Variants in DPYD observed in about 807,000 individuals in gnomAD.
DPYD encodes the protein dihydropyrimidine dehydrogenase [NADP(+)].
DPYD carries 109 observed loss-of-function variants against 116.2 expected under a neutral mutation model. The observed-to-expected ratio is 0.94, with a 90% CI of 0.80 to 1.10. The LOEUF (loss-of-function observed/expected upper bound fraction) is 1.10, where lower values mean the gene tolerates loss of function less well. Ranked by LOEUF, DPYD falls within the 50% of genes least tolerant of loss-of-function variation. DPYD has a pLI of 0.00. For missense variants in DPYD, 1,302 were observed against 1,254.5 expected, an observed-to-expected ratio of 1.04 and a Z score of -0.57; for synonymous variants, 440 against 432.0, an observed-to-expected ratio of 1.02 and a Z score of -0.23.
intron 10 of DPYD, among the ~76,000 whole-genome samples, chr1:97,582,486 C>T (rs1292616293): frequency 1.3e-5 from 2 of 152,168 alleles, no homozygotes; most frequent in African/African-American, 4.8e-5. Context: ...CACACTTGAT[C>T]TCATATTCTT....
intron 3 of DPYD, among the ~76,000 whole-genome samples, chr1:97,811,548 CT>C (rs752899030): frequency 4.6e-5 from 7 of 152,084 alleles, no homozygotes; most frequent in Non-Finnish European, 7.4e-5. Context: ...GTAATAACCC[CT>C]CTTTCTTAAA....
intron 4 of DPYD, among the ~76,000 whole-genome samples, chr1:97,730,904 T>C (rs976316060): frequency 5.9e-5 from 9 of 151,976 alleles, no homozygotes; most frequent in Non-Finnish European, 1.2e-4. Flanking sequence ...CATTGGGTAT[T>C]GAAAGAATTC....
intron 2 of DPYD, among the ~76,000 whole-genome samples, chr1:97,830,090 A>G (rs1669457898): frequency 6.6e-6 from 1 of 151,956 alleles, no homozygotes; most frequent in African/African-American, 2.4e-5. Flanking sequence ...ATCCTTTTTT[A>G]TGGCTGCAAA....
At chr1:97,254,272 CTTTTTATATATAT>C (rs1254694742) in intron 18 of DPYD, among the ~76,000 whole-genome samples, 1 of 151,912 alleles carries the variant, frequency 6.6e-6, no homozygotes, top group African/African-American at 2.4e-5. Context: ...TGTACATATA[CTTTTTATATATAT>C]ACTTATTTGT....
chr1:97,737,703 T>C (rs1664036935), intron 4 of DPYD, among the ~76,000 whole-genome samples: 1 of 152,160 alleles, frequency 6.6e-6, no homozygotes, highest in Non-Finnish European at 1.5e-5. Flanking sequence ...ACAGCTGTAA[T>C]ATGTGTGTGT....
At chr1:97,193,037 T>C in intron 20 of DPYD, 32 bp downstream of exon 20, 2 of 1,612,586 alleles carry the variant, frequency 1.2e-6, no homozygotes, top group Non-Finnish European at 1.7e-6. Flanking sequence ...GGCTGAGTTC[T>C]CAAGAATAAC....
rs984557299 is a variant in DPYD, at chr1:97,883,305, C to T, written c.109G>A (p.Asp37Asn). The change falls in exon 2 of 23, where the codon GAC (aspartate) becomes AAC (asparagine). Residue 37 changes from aspartate to asparagine, a missense_variant. By Grantham distance (23) the Asp-to-Asn change is conservative. Coordinates refer to ENST00000370192, the MANE Select transcript of DPYD (RefSeq NM_000110.4). ...TLCSTSAKKLDKKHWKRNPDK... is the reference protein window; with the variant it reads ...TLCSTSAKKLNKKHWKRNPDK... ...GGATTTCTTTTCCAATGTTTCTTGTCTAATTTCTTGGCCGAAGTGGAACAC... is the reference window on the plus strand; with the variant it reads ...GGATTTCTTTTCCAATGTTTCTTGTTTAATTTCTTGGCCGAAGTGGAACAC... The T allele has an allele frequency of 6.2e-7, 1 of 1,612,698 alleles. No individual in the cohort carries two copies. Among genetic ancestry groups the T allele is most frequent in the South Asian group, 1.1e-5 (1 of 91,032 alleles).
chr1:97,159,364 A>C (rs1287399841), intron 20 of DPYD, among the ~76,000 whole-genome samples: 1 of 152,110 alleles, frequency 6.6e-6, no homozygotes, highest in African/African-American at 2.4e-5. Context: ...AACATGGATA[A>C]ATAGAAATTG....
At chr1:97,670,842 T>C (rs1189789066) in intron 8 of DPYD, among the ~76,000 whole-genome samples, 1 of 152,124 alleles carries the variant, frequency 6.6e-6, no homozygotes, top group Non-Finnish European at 1.5e-5. Flanking sequence ...TGGAAACTAC[T>C]AAAAGAAAAT....
chr1:97,810,069 G>A (rs1048419446), intron 3 of DPYD, among the ~76,000 whole-genome samples: 3 of 151,956 alleles, frequency 2.0e-5, no homozygotes, highest in East Asian at 1.9e-4. Context: ...GGTGGATCAC[G>A]AGGTCAGGAG....
intron 8 of DPYD, among the ~76,000 whole-genome samples, chr1:97,655,120 C>T (rs1397019362): frequency 2.0e-5 from 3 of 152,044 alleles, no homozygotes; most frequent in South Asian, 4.1e-4. Flanking sequence ...ACCATATCAG[C>T]TACCACAACA....
chr1:97,680,476 T>C (rs1309888762), intron 7 of DPYD, among the ~76,000 whole-genome samples: 1 of 152,156 alleles, frequency 6.6e-6, no homozygotes, highest in Non-Finnish European at 1.5e-5. Flanking sequence ...AGAGAAGTTT[T>C]ATAAGGCCAC....
intron 16 of DPYD, among the ~76,000 whole-genome samples, chr1:97,348,117 C>A (rs1176134654): frequency 1.3e-5 from 2 of 152,022 alleles, no homozygotes; most frequent in Admixed American, 6.6e-5. Context: ...AAATCCTTTC[C>A]AAGAGGATGT....
chr1:97,691,840 ATGACCAATCTT>A (rs1553221403), intron 6 of DPYD, 42 bp from the exon 7 acceptor site: 2 of 1,529,810 alleles, frequency 1.3e-6, no homozygotes, highest in Admixed American at 1.7e-5. Flanking sequence ...CAGTAGAAAA[ATGACCAATCTT>A]TGACCAATCT....
intron 8 of DPYD, among the ~76,000 whole-genome samples, chr1:97,598,633 G>GA (rs1310699342): frequency 1.4e-5 from 2 of 147,052 alleles, no homozygotes; most frequent in African/African-American, 4.9e-5. Context: ...GGGAGGGAGG[G>GA]AGGAACGAAG....
chr1:97,174,453 CG>C (rs141003827), intron 20 of DPYD, among the ~76,000 whole-genome samples: 10,720 of 152,234 alleles, frequency 0.07, 477 homozygotes, highest in Middle Eastern at 0.11. Flanking sequence ...TGTGAAAGGC[CG>C]GAAGTCTTCC....
At chr1:97,720,720 A>G in intron 5 of DPYD, 1 of 1,420,970 alleles carries the variant, frequency 7.0e-7, no homozygotes, top group Non-Finnish European at 9.2e-7. Flanking sequence ...ATCTAGGTTG[A>G]CGGGCACTTA....
At chr1:97,525,758 T>TAGAGAGAGAGAGAGAGAGAGAGAGAG (rs58098297) in intron 12 of DPYD, among the ~76,000 whole-genome samples, 8 of 108,744 alleles carry the variant, frequency 7.4e-5, no homozygotes, top group African/African-American at 1.5e-4. Flanking sequence ...CCTGGGTAAT[T>TAGAGAGAGAGAGAGAGAGAGAGAGAG]AGAGAGAGAG....
At chr1:97,434,255 A>G (rs1675339523) in intron 14 of DPYD, among the ~76,000 whole-genome samples, 1 of 152,118 alleles carries the variant, frequency 6.6e-6, no homozygotes, top group South Asian at 2.1e-4. Context: ...AAACTCCCCA[A>G]AGAAGATGTA....
Sources: gnomAD v4.1 joint callset for allele counts (sites outside exome capture counted in the v4.1 genomes callset) on GRCh38, gnomAD v4.1.1 for gene constraint, MANE v1.5 for transcripts, NCBI Gene and HGNC (gene_info 2026-07-23, HGNC 2026-07-21) for gene names.